The following FUT8 variants were observed in gnomAD, a reference collection of about 807,000 sequenced individuals.
FUT8 encodes the protein alpha-(1,6)-fucosyltransferase.
In FUT8, 29 loss-of-function variants were observed where a neutral mutation model predicts 71.3. The observed-to-expected ratio is 0.41, with a 90% CI of 0.30 to 0.55. FUT8 has a LOEUF of 0.55. FUT8 is among the 20% of genes least tolerant of loss of function. The pLI is 0.34. For missense variants in FUT8, 544 were observed against 702.1 expected, an observed-to-expected ratio of 0.77 and a Z score of 2.55; for synonymous variants, 254 against 239.3, an observed-to-expected ratio of 1.06 and a Z score of -0.57.
chr14:65,592,896 T>C (rs1189173324), intron 3 of FUT8, among the ~76,000 whole-genome samples: 1 of 152,212 alleles, frequency 6.6e-6, no homozygotes, highest in Non-Finnish European at 1.5e-5. Flanking sequence ...TCAATAGACA[T>C]TTCTTGGACA....
chr14:65,392,195 G>A, the FUT8 span, among the ~76,000 whole-genome samples: 1 of 152,086 alleles, frequency 6.6e-6, no homozygotes, highest in Non-Finnish European at 1.5e-5. Flanking sequence ...GCCTCCCAAA[G>A]TGCTGGGATT....
chr14:65,524,086 G>A (rs1165361982), intron 2 of FUT8, among the ~76,000 whole-genome samples: 1 of 152,180 alleles, frequency 6.6e-6, no homozygotes, highest in African/African-American at 2.4e-5. Context: ...GAACTTTAAA[G>A]TAGTTTTTTC....
chr14:65,435,794 CTT>C (rs58021056), intron 1 of FUT8, among the ~76,000 whole-genome samples: 82 of 128,934 alleles, frequency 6.4e-4, no homozygotes, highest in South Asian at 4.4e-3. Context: ...CTTTTTCTTT[CTT>C]TTTTTTTTTT....
the FUT8 span, among the ~76,000 whole-genome samples, chr14:65,372,341 A>T: frequency 6.6e-6 from 1 of 152,194 alleles, no homozygotes; most frequent in East Asian, 1.9e-4. Context: ...GATTTCTGTA[A>T]CTGAGATAAT....
intron 7 of FUT8, among the ~76,000 whole-genome samples, chr14:65,704,626 GTT>G (rs1415909356): frequency 6.6e-6 from 1 of 152,210 alleles, no homozygotes; most frequent in Non-Finnish European, 1.5e-5. Context: ...CAAAGAGACT[GTT>G]GGCAGTATCC....
At position 65,596,327 on chromosome 14, in the gene FUT8, G is replaced by A. The variant is rs114757351; in HGVS notation, c.204-19651G>A. ...CATCTTTTTATTTGGATGTGAGTGTGTATAGTTTGAAGATTAAACATACTT... is the reference window on the plus strand; with the variant it reads ...CATCTTTTTATTTGGATGTGAGTGTATATAGTTTGAAGATTAAACATACTT... On this transcript the variant is annotated intron_variant, in intron 3 of 10. Transcript: ENST00000673929. 2.4e-3 allele frequency among the ~76,000 whole-genome samples: 366 copies of A among 152,274 alleles called. 1 individual carries two copies. Among genetic ancestry groups the A allele is most frequent in the African/African-American group, 8.2e-3 (340 of 41,562 alleles).
Position 65,652,608 on chromosome 14 carries a change from T to C in FUT8, c.598-16635T>C, listed in dbSNP as rs1454705993. ...CTGGGACTGTCTTCTGATTTTCTTA[T>C]TAGGTAAACAACGTGTTCTTAGTGC... On this transcript the variant is annotated intron_variant, in intron 6 of 10. Coordinates refer to ENST00000673929, the MANE Select transcript of FUT8 (RefSeq NM_001371533.1). The surrounding 1 kb of genome is among the most constrained non-coding windows in gnomAD (Gnocchi z 4.0). Among the ~76,000 whole-genome samples, 1 of 152,032 alleles carries C rather than the reference T, an allele frequency of 6.6e-6. No individual in the cohort carries two copies. Among genetic ancestry groups the C allele is most frequent in the African/African-American group, 2.4e-5 (1 of 41,396 alleles).
At chr14:65,402,668 G>GC in the FUT8 span, among the ~76,000 whole-genome samples, 1 of 75,112 alleles carries the variant, frequency 1.3e-5, no homozygotes, top group Admixed American at 1.3e-4. Context: ...TCCGTCTAAA[G>GC]CAAAAAAAAT....
intron 2 of FUT8, among the ~76,000 whole-genome samples, chr14:65,461,480 T>C (rs867899997): frequency 6.6e-6 from 1 of 152,162 alleles, no homozygotes; most frequent in Admixed American, 6.5e-5. Context: ...GTAGGTACAG[T>C]GTTTGCTCTC....
intron 8 of FUT8, among the ~76,000 whole-genome samples, chr14:65,722,661 A>G (rs540540554): frequency 1.3e-5 from 2 of 152,334 alleles, no homozygotes; most frequent in African/African-American, 2.4e-5. Context: ...TCATCTCTAT[A>G]GAGCCCACTG....
intron 2 of FUT8, among the ~76,000 whole-genome samples, chr14:65,543,744 A>G (rs1884825590): frequency 6.6e-6 from 1 of 152,180 alleles, no homozygotes. Flanking sequence ...AATCTTGGCT[A>G]GGAAGATGTG....
At position 65,643,931 on chromosome 14, in the gene FUT8, T is replaced by C. The variant is rs1215769551; in HGVS notation, c.597+14325T>C. Among the ~76,000 whole-genome samples, 2 of 152,094 alleles carry C rather than the reference T, an allele frequency of 1.3e-5. No homozygotes were observed. The highest frequency in any genetic ancestry group is 3.8e-4 in the East Asian group (2 of 5,196). On this transcript the variant is annotated intron_variant, in intron 6 of 10. Coordinates refer to ENST00000673929, the MANE Select transcript of FUT8 (RefSeq NM_001371533.1). This position sits in a 1 kb window ranked among gnomAD's most constrained non-coding sequence, Gnocchi z 4.5. ...AATATGCCTCATTTTTTTCAAGAAA[T>C]GGCAGGTTTCGCTATAGTTCGACTC...
At chr14:65,586,162 C>T (rs1008962213) in intron 3 of FUT8, among the ~76,000 whole-genome samples, 3 of 152,142 alleles carry the variant, frequency 2.0e-5, no homozygotes, top group Admixed American at 6.5e-5. Flanking sequence ...ATTTTGATTG[C>T]TTGACATATC....
intron 7 of FUT8, among the ~76,000 whole-genome samples, chr14:65,697,010 A>G (rs1049345478): frequency 3.3e-5 from 5 of 152,206 alleles, no homozygotes; most frequent in African/African-American, 4.8e-5. Flanking sequence ...TTAAATTCCC[A>G]GTCTGTTACT....
At chr14:65,688,520 CAAAAAAAAAAAAAA>C (rs34293733) in intron 7 of FUT8, among the ~76,000 whole-genome samples, 2 of 55,130 alleles carry the variant, frequency 3.6e-5, no homozygotes, top group African/African-American at 1.5e-4. Flanking sequence ...ATCCACATGC[CAAAAAAAAAAAAAA>C]AAAAAAAAAA....
intron 7 of FUT8, among the ~76,000 whole-genome samples, chr14:65,719,937 A>G (rs10146253): frequency 0.01 from 1,587 of 152,302 alleles, 29 homozygotes; most frequent in African/African-American, 0.037. Context: ...GATCTCACCC[A>G]AGGCCCAGTG....
chr14:65,602,570 T>G (rs1247409563), intron 3 of FUT8, among the ~76,000 whole-genome samples: 1 of 151,630 alleles, frequency 6.6e-6, no homozygotes, highest in African/African-American at 2.4e-5. Context: ...GGTAGTTCTA[T>G]TTTTAGTTCT....
intron 3 of FUT8, among the ~76,000 whole-genome samples, chr14:65,610,808 AT>A (rs1296291703): frequency 6.6e-6 from 1 of 151,908 alleles, no homozygotes; most frequent in Non-Finnish European, 1.5e-5. Context: ...TATAGGAAGA[AT>A]TACATTGATT....
At chr14:65,718,265 G>T (rs1023884509) in intron 7 of FUT8, among the ~76,000 whole-genome samples, 2 of 152,000 alleles carry the variant, frequency 1.3e-5, no homozygotes, top group African/African-American at 4.8e-5. Flanking sequence ...TTATCATGAG[G>T]CTTGCAAATA....
Sources: gnomAD v4.1 joint callset for allele counts (sites outside exome capture counted in the v4.1 genomes callset) on GRCh38, gnomAD v4.1.1 for gene constraint, Gnocchi (gnomAD v3.1) non-coding constraint, MANE v1.5 for transcripts, NCBI Gene and HGNC (gene_info 2026-07-23, HGNC 2026-07-21) for gene names.